Variants in PTPRD observed in about 807,000 individuals in gnomAD.
PTPRD encodes receptor-type tyrosine-protein phosphatase delta.
A neutral mutation model predicts 214.5 loss-of-function variants in PTPRD; 34 were observed. The ratio of observed to expected loss-of-function variants is 0.16; its 90% CI spans 0.12 to 0.21. PTPRD has a LOEUF of 0.21. Among genes scored for constraint, PTPRD ranks in the 10% least tolerant of loss-of-function variants. The pLI, the probability that PTPRD is intolerant of heterozygous loss-of-function variation, is 1.00. For synonymous variants in PTPRD, 1,128 were observed against 845.7 expected (o/e 1.33, Z -5.79); for missense variants, 2,545 against 2,398.7 (o/e 1.06, Z -1.27).
chr9:9,935,980 G>C (rs1277437908), intron 5 of PTPRD, among the ~76,000 whole-genome samples: 1 of 151,152 alleles, frequency 6.6e-6, no homozygotes, highest in Non-Finnish European at 1.5e-5. Flanking sequence ...AATGGGGAAA[G>C]GATTCCCTAT....
chr9:10,566,255 G>A (rs1186586360), intron 2 of PTPRD, among the ~76,000 whole-genome samples: 1 of 151,726 alleles, frequency 6.6e-6, no homozygotes, highest in African/African-American at 2.4e-5. Flanking sequence ...ATATTTTTTG[G>A]TGTCTATTTA....
intron 9 of PTPRD, among the ~76,000 whole-genome samples, chr9:9,356,225 G>A (rs139687511): frequency 1.6e-3 from 248 of 151,330 alleles, no homozygotes; most frequent in Middle Eastern, 6.8e-3. Context: ...TTTTGTGTAT[G>A]TTTTTTTAAT....
rs181173533 is a variant in PTPRD, at chr9:9,753,629, G to A, written c.-326+13181C>T. Among the ~76,000 whole-genome samples, 18 of 152,094 alleles carry A rather than the reference G, an allele frequency of 1.2e-4. No individual in the cohort carries two copies. The East Asian group carries it at 2.9e-3, about 25-fold the overall frequency. On this transcript the variant is annotated intron_variant, in intron 6 of 45. Transcript: ENST00000381196. ...GTGGTTTTAATGGGGTGAGCTTAGG[G>A]TATGAAAGTTCACAAGAGTTGGTGT...
chr9:10,458,794 A>G (rs1166752592), intron 2 of PTPRD, among the ~76,000 whole-genome samples: 2 of 135,366 alleles, frequency 1.5e-5, no homozygotes, highest in Non-Finnish European at 3.1e-5. Flanking sequence ...CGTCAAAGAC[A>G]CCACCAAAAA....
At chr9:10,093,859 C>A (rs1204111899) in intron 3 of PTPRD, among the ~76,000 whole-genome samples, 1 of 151,400 alleles carries the variant, frequency 6.6e-6, no homozygotes, top group African/African-American at 2.4e-5. Flanking sequence ...ACTGCATGTT[C>A]TCACTTGTAA....
At chr9:9,070,246 C>A (rs2099741843) in intron 10 of PTPRD, among the ~76,000 whole-genome samples, 1 of 152,212 alleles carries the variant, frequency 6.6e-6, no homozygotes, top group African/African-American at 2.4e-5. Flanking sequence ...AAGACGCCAA[C>A]TTGTCAAGGA....
At chr9:10,499,279 G>T (rs2042972850) in intron 2 of PTPRD, among the ~76,000 whole-genome samples, 1 of 151,866 alleles carries the variant, frequency 6.6e-6, no homozygotes, top group African/African-American at 2.4e-5. Context: ...AACATGCAGT[G>T]TTTGGTTTTC....
At chr9:8,600,489 C>A (rs532179887) in intron 14 of PTPRD, among the ~76,000 whole-genome samples, 1 of 151,924 alleles carries the variant, frequency 6.6e-6, no homozygotes, top group Admixed American at 6.6e-5. Context: ...AAGCTCACAG[C>A]TCTAAAAGAC....
intron 2 of PTPRD, among the ~76,000 whole-genome samples, chr9:10,438,198 T>C (rs555574360): frequency 2.3e-4 from 35 of 151,486 alleles, no homozygotes; most frequent in African/African-American, 8.5e-4. Flanking sequence ...TTCATTCATA[T>C]AACAATTACT....
intron 3 of PTPRD, among the ~76,000 whole-genome samples, chr9:10,277,201 A>G (rs1413806931): frequency 3.3e-5 from 5 of 152,012 alleles, no homozygotes; most frequent in Non-Finnish European, 5.9e-5. Flanking sequence ...AACATAAAAC[A>G]TAAACATAAA....
chr9:9,735,632 T>G (rs2098279326), intron 6 of PTPRD, among the ~76,000 whole-genome samples: 1 of 152,100 alleles, frequency 6.6e-6, no homozygotes, highest in Non-Finnish European at 1.5e-5. Context: ...ATATTCCTTC[T>G]CTAGTGTCTA....
chr9:9,702,938 C>A (rs1727229244), intron 7 of PTPRD, among the ~76,000 whole-genome samples: 1 of 152,126 alleles, frequency 6.6e-6, no homozygotes, highest in African/African-American at 2.4e-5. Context: ...ATATATGAGT[C>A]TAGATCCAGA....
chr9:9,848,695 G>A (rs1326617974), intron 5 of PTPRD, among the ~76,000 whole-genome samples: 1 of 151,896 alleles, frequency 6.6e-6, no homozygotes, highest in Non-Finnish European at 1.5e-5. Flanking sequence ...ACACAAAATA[G>A]ATAAATATCA....
chr9:9,294,371 T>C (rs75206334), intron 9 of PTPRD, among the ~76,000 whole-genome samples: 3 of 151,768 alleles, frequency 2.0e-5, no homozygotes, highest in African/African-American at 7.2e-5. Flanking sequence ...TAGGCTAATA[T>C]GAGTTCATAC....
chr9:10,288,595 C>A (rs549502567), intron 3 of PTPRD, among the ~76,000 whole-genome samples: 4 of 152,076 alleles, frequency 2.6e-5, no homozygotes, highest in African/African-American at 9.7e-5. Flanking sequence ...CCTCTAGAGG[C>A]CAGGAAAGAA....
intron 2 of PTPRD, among the ~76,000 whole-genome samples, chr9:10,505,258 G>A (rs1199841568): frequency 6.6e-6 from 1 of 152,114 alleles, no homozygotes; most frequent in African/African-American, 2.4e-5. Context: ...GCAGTCACTG[G>A]TGACAGTATT....
chr9:9,177,690 C>G (rs1156816281), intron 10 of PTPRD, among the ~76,000 whole-genome samples: 2 of 151,916 alleles, frequency 1.3e-5, no homozygotes, highest in Non-Finnish European at 2.9e-5. Flanking sequence ...AATGCTTAAT[C>G]CTATCAATCT....
At chr9:10,117,416 A>G (rs1015475231) in intron 3 of PTPRD, among the ~76,000 whole-genome samples, 2 of 152,120 alleles carry the variant, frequency 1.3e-5, no homozygotes, top group Admixed American at 6.6e-5. Context: ...TACAAAAACA[A>G]GAAAAATTTA....
chr9:8,836,640 A>G (rs1426656587), intron 11 of PTPRD, among the ~76,000 whole-genome samples: 1 of 117,744 alleles, frequency 8.5e-6, no homozygotes, highest in African/African-American at 3.3e-5. Context: ...CTCTGTTGCC[A>G]GGCTGGAATG....
Sources: gnomAD v4.1 joint callset for allele counts (sites outside exome capture counted in the v4.1 genomes callset) on GRCh38, gnomAD v4.1.1 for gene constraint, MANE v1.5 for transcripts, NCBI Gene and HGNC (gene_info 2026-07-23, HGNC 2026-07-21) for gene names.